Variants in CLEC12A observed in about 807,000 individuals in gnomAD.
The protein encoded by CLEC12A is C-type lectin protein CLL-1.
A neutral mutation model predicts 26.5 loss-of-function variants in CLEC12A; 22 were observed. That is an observed-to-expected ratio of 0.83 (90% CI 0.59 to 1.19). The LOEUF (loss-of-function observed/expected upper bound fraction) is 1.19. Ranked by LOEUF, CLEC12A falls within the 50% of genes most tolerant of loss-of-function variation. The probability of loss-of-function intolerance (pLI) is 0.00; values close to 1 mark genes in which losing one functional copy is unlikely to be tolerated. For synonymous variants in CLEC12A, 119 were observed against 101.9 expected, an observed-to-expected ratio of 1.17 and a Z score of -1.01; for missense variants, 353 against 315.6, an observed-to-expected ratio of 1.12 and a Z score of -0.90.
intron 1 of CLEC12A, among the ~76,000 whole-genome samples, chr12:9,957,664 A>G (rs1591810416): frequency 6.6e-6 from 1 of 152,196 alleles, no homozygotes; most frequent in African/African-American, 2.4e-5. Flanking sequence ...GCATTTTTAT[A>G]CAAACGAAAG....
downstream of CLEC12A, chr12:9,996,887 T>C: frequency 6.2e-7 from 1 of 1,614,104 alleles, no homozygotes; most frequent in South Asian, 1.1e-5. Flanking sequence ...GTAGCATTCA[T>C]GTCAGTGCAG....
intron 5 of CLEC12A, among the ~76,000 whole-genome samples, chr12:9,984,449 T>C (rs1341497289): frequency 6.6e-6 from 1 of 152,154 alleles, no homozygotes; most frequent in Admixed American, 6.5e-5. Context: ...GAACTTCAGG[T>C]GTCATATATC....
chr12:9,971,626 T>G lies in CLEC12A; in HGVS notation c.30T>G (p.Leu10=), dbSNP rs1864128053. Residue 10 remains leucine, a synonymous_variant, in exon 1 of 6, where the codon CTT becomes CTG. Coordinates refer to ENST00000304361, the MANE Select transcript of CLEC12A (RefSeq NM_138337.6). ...CTGAAGAAGTTACTTATGCAGATCT[T>G]CAATTCCAGAACTCCAGTGAGATGG... MSEEVTYAD[L]QFQNSSEMEK... 1.2e-6 allele frequency: 2 copies of G among 1,610,068 alleles called. No individual in the cohort carries two copies. Among genetic ancestry groups the G allele is most frequent in the Admixed American group, 1.7e-5 (1 of 59,552 alleles).
At chr12:9,963,343 CT>C in intron 1 of CLEC12A, among the ~76,000 whole-genome samples, 1 of 150,964 alleles carries the variant, frequency 6.6e-6, no homozygotes, top group Admixed American at 6.6e-5. Flanking sequence ...CAGAGTCCTC[CT>C]TTTTCAGCAG....
chr12:10,004,332 G>C, the CLEC12A span, among the ~76,000 whole-genome samples: 1 of 152,178 alleles, frequency 6.6e-6, no homozygotes. Flanking sequence ...CAGAAGAAAC[G>C]GGTCACACAT....
intron 4 of CLEC12A, among the ~76,000 whole-genome samples, chr12:9,993,835 G>C (rs998112803): frequency 6.6e-6 from 1 of 152,128 alleles, no homozygotes; most frequent in African/African-American, 2.4e-5. Flanking sequence ...CTTATAATGA[G>C]ATGACAAGGA....
In CLEC12A at chr12:9,964,611, C is replaced by T. The variant is rs1863897611; in HGVS notation, c.11-6966C>T. ...TGCCAGTCCTGGGTGGGGGCAAATC[C>T]TCGAGCTTGATGTGTAGGGAAAGGA... On this transcript the variant is annotated intron_variant, in intron 1 of 6. Coordinates refer to the CLEC12A transcript ENST00000355690. 3.9e-5 allele frequency among the ~76,000 whole-genome samples: 6 copies of T among 152,024 alleles called. No individual in the cohort carries two copies. The South Asian group carries it at 1.2e-3, about 32-fold the overall frequency.
Position 9,965,817 on chromosome 12 carries a change from T to C in CLEC12A, c.11-5760T>C, listed in dbSNP as rs1351332139. On this transcript the variant is annotated intron_variant, in intron 1 of 6. Coordinates refer to the CLEC12A transcript ENST00000355690. ...TTAAAGCGTGCTGTGGGATAGGATA[T>C]TGGCATTGAGCGGGGTAAGGTGATT... Among the ~76,000 whole-genome samples the C allele has an allele frequency of 3.3e-5, 5 of 152,150 alleles. No homozygotes were observed. In the East Asian group the frequency reaches 9.7e-4, roughly 30 times the overall value.
intron 1 of CLEC12A, among the ~76,000 whole-genome samples, chr12:9,972,462 C>T (rs1331555442): frequency 6.6e-6 from 1 of 152,098 alleles, no homozygotes; most frequent in Non-Finnish European, 1.5e-5. Context: ...TGGCTCCTAG[C>T]CTTTTGGGAG....
At chr12:9,968,885 A>G (rs1864034504), upstream of CLEC12A, among the ~76,000 whole-genome samples, 1 of 152,200 alleles carries the variant, frequency 6.6e-6, no homozygotes, top group Non-Finnish European at 1.5e-5. Flanking sequence ...AGGTATCTAT[A>G]GTATATATAC....
intron 3 of CLEC12A, among the ~76,000 whole-genome samples, chr12:9,979,792 T>A (rs572080726): frequency 6.6e-6 from 1 of 152,312 alleles, no homozygotes; most frequent in Non-Finnish European, 1.5e-5. Flanking sequence ...CTCTAATCTG[T>A]CACTTACTAT....
chr12:9,961,286 G>A lies in CLEC12A; in HGVS notation c.10+9930G>A, dbSNP rs144502876. On this transcript the variant is annotated intron_variant, in intron 1 of 6. Transcript: ENST00000355690. ...TGTTCGACACGCACTTCCTGTCATG[G>A]CCTGAACCCATCTCTCAGGTTAAAT... 4.6e-5 allele frequency among the ~76,000 whole-genome samples: 7 copies of A among 152,282 alleles called. No individual in the cohort carries two copies. The East Asian group carries it at 1.2e-3, about 25-fold the overall frequency.
At chr12:9,986,082 A>G, downstream of CLEC12A, 1 of 453,590 alleles carries the variant, frequency 2.2e-6, no homozygotes, top group Non-Finnish European at 4.4e-6. Context: ...AGTGAAATAC[A>G]GATCCCGGCC....
downstream of CLEC12A, chr12:9,999,145 C>A (rs758481477): frequency 8.3e-6 from 11 of 1,330,750 alleles, no homozygotes; most frequent in Non-Finnish European, 8.4e-6. Flanking sequence ...AATGACTTTG[C>A]AAAATGTAGT....
Position 9,980,429 on chromosome 12 carries a change from C to A in CLEC12A, c.380-153C>A, listed in dbSNP as rs371959437. The stretch of plus-strand genomic sequence containing the variant: ...CTCCAGTTTGGGCAATAGAGCAAGA[C>A]TCTGTCAAAAAAAAAAAAAGGGGGA... On this transcript the variant is annotated intron_variant, in intron 3 of 5. Coordinates refer to ENST00000304361, the MANE Select transcript of CLEC12A (RefSeq NM_138337.6). Among the ~76,000 whole-genome samples the A allele has an allele frequency of 5.0e-5, 7 of 140,040 alleles. No individual in the cohort carries two copies. In the East Asian group the frequency reaches 1.2e-3, roughly 25 times the overall value. 91.9% of individuals were successfully genotyped at this position (140,040 alleles called of 152,430 possible). A position where few individuals can be genotyped will look rare whatever the true frequency, so the allele number is the denominator to read the frequency against.
At chr12:9,976,086 C>T (rs1397677418) in intron 1 of CLEC12A, among the ~76,000 whole-genome samples, 2 of 152,178 alleles carry the variant, frequency 1.3e-5, no homozygotes, top group African/African-American at 4.8e-5. Flanking sequence ...TTGCTGCAGG[C>T]ATGGGGTGCT....
chr12:9,993,860 G>T (rs935921546), intron 4 of CLEC12A, among the ~76,000 whole-genome samples: 4 of 152,066 alleles, frequency 2.6e-5, no homozygotes, highest in African/African-American at 9.7e-5. Context: ...ATACTTATTG[G>T]TTTATTTGGA....
chr12:9,962,630 G>A (rs575369490), intron 1 of CLEC12A, among the ~76,000 whole-genome samples: 1 of 152,298 alleles, frequency 6.6e-6, no homozygotes, highest in Admixed American at 6.5e-5. Context: ...TGGCGGACAG[G>A]AGTGGGGGCC....
At chr12:9,963,849 G>T (rs542839435) in intron 1 of CLEC12A, among the ~76,000 whole-genome samples, 1 of 152,342 alleles carries the variant, frequency 6.6e-6, no homozygotes, top group South Asian at 2.1e-4. Flanking sequence ...AGCCATCAGA[G>T]GTTGTAATGG....
Sources: gnomAD v4.1 joint callset for allele counts (sites outside exome capture counted in the v4.1 genomes callset) on GRCh38, gnomAD v4.1.1 for gene constraint, MANE v1.5 for transcripts, NCBI Gene and HGNC (gene_info 2026-07-23, HGNC 2026-07-21) for gene names.